Variants in WDR41 observed in about 807,000 individuals in gnomAD.
WDR41 encodes the protein WD repeat domain 41, also known as WD repeat-containing protein 41.
Under a neutral mutation model 69.3 loss-of-function variants are expected in WDR41, and 63 were observed. The observed-to-expected ratio is 0.91, with a 90% CI of 0.74 to 1.12. WDR41 has a LOEUF of 1.12. Among genes scored for constraint, WDR41 ranks in the 50% most tolerant of loss-of-function variants. The probability of loss-of-function intolerance (pLI) is 0.00; values close to 1 mark genes in which losing one functional copy is unlikely to be tolerated. For synonymous variants in WDR41, 185 were observed against 192.1 expected, an observed-to-expected ratio of 0.96 and a Z score of 0.31; for missense variants, 543 against 534.5, an observed-to-expected ratio of 1.02 and a Z score of -0.16.
chr5:77,527,909 G>A (rs539084972), intron 1 of WDR41, among the ~76,000 whole-genome samples: 40 of 151,648 alleles, frequency 2.6e-4, no homozygotes, highest in Non-Finnish European at 4.4e-4. Flanking sequence ...CTTGTAAGGC[G>A]TAGTTTAAAG....
chr5:77,549,460 T>C (rs1331950851), intron 1 of WDR41, among the ~76,000 whole-genome samples: 3 of 151,622 alleles, frequency 2.0e-5, no homozygotes, highest in Non-Finnish European at 4.4e-5. Flanking sequence ...TATACAACAA[T>C]AGCATTCAAG....
intron 1 of WDR41, among the ~76,000 whole-genome samples, chr5:77,511,833 A>G (rs1802207255): frequency 6.6e-6 from 1 of 150,602 alleles, no homozygotes; most frequent in Admixed American, 6.6e-5. Flanking sequence ...TTAGGTTACC[A>G]AGAAGCATTA....
At chr5:77,612,621 T>C (rs1403224923) in intron 1 of WDR41, among the ~76,000 whole-genome samples, 7 of 152,158 alleles carry the variant, frequency 4.6e-5, no homozygotes, top group Admixed American at 4.6e-4. Context: ...TCTCAATAAA[T>C]TAGGTATTGA....
At chr5:77,545,976 C>T in intron 1 of WDR41, 1 of 488,284 alleles carries the variant, frequency 2.0e-6, no homozygotes, top group Non-Finnish European at 3.6e-6. Flanking sequence ...GACCTCATCC[C>T]TGTGCCCAGG....
intron 1 of WDR41, among the ~76,000 whole-genome samples, chr5:77,556,566 C>T (rs1743405926): frequency 6.6e-6 from 1 of 152,154 alleles, no homozygotes; most frequent in Non-Finnish European, 1.5e-5. Flanking sequence ...CGCCACCACA[C>T]CCAGCTAATT....
Position 77,436,274 on chromosome 5 carries a change from G to GAGTGTCCAATCA in WDR41, c.1202_1213dup (p.Leu401_His404dup). On this transcript the variant is annotated inframe_insertion, in exon 12 of 13. Transcript: ENST00000296679. ...AAACAGCAATACCTCCACAGATGAT[G>GAGTGTCCAATCA]AGTGTCCAATCAAATCTCCAATAAG... 6.2e-7 allele frequency: 1 copy of GAGTGTCCAATCA among 1,613,830 alleles called. No homozygotes were observed. The highest frequency in any genetic ancestry group is 8.5e-7 in the Non-Finnish European group (1 of 1,179,830).
rs548235307 is a variant in WDR41 at position 77,478,700 on chromosome 5, C to G, written c.167+10757G>C. 1.2e-3 allele frequency among the ~76,000 whole-genome samples: 186 copies of G among 151,944 alleles called. 1 individual carries two copies. The highest frequency in any genetic ancestry group is 4.4e-3 in the African/African-American group (181 of 41,344). On this transcript the variant is annotated intron_variant, in intron 2 of 12. Coordinates refer to ENST00000296679, the MANE Select transcript of WDR41 (RefSeq NM_018268.4). ...TCAAAATAATAAGAGCTATCTATGACAAACCCACAGCCAATATCATACTGA... is the reference window on the plus strand; with the variant it reads ...TCAAAATAATAAGAGCTATCTATGAGAAACCCACAGCCAATATCATACTGA...
chr5:77,471,743 TG>T (rs1198083785), intron 2 of WDR41, among the ~76,000 whole-genome samples: 1 of 152,134 alleles, frequency 6.6e-6, no homozygotes, highest in East Asian at 1.9e-4. Flanking sequence ...GCTGAATCTC[TG>T]AATAGACCAA....
Position 77,463,128 on chromosome 5 carries a change from G to C in WDR41, c.315C>G (p.Leu105=), listed in dbSNP as rs148426867. 18 of 1,612,330 alleles carry C rather than the reference G, an allele frequency of 1.1e-5. No homozygotes were observed. Among genetic ancestry groups the C allele is most frequent in the Non-Finnish European group, 1.5e-5 (18 of 1,179,302 alleles). ...SLESCEEKNQ[L]ILTASADRTV... ...TTCTATCAGCAGAGGCTGTCAAGAT[G>C]AGTTGATTTTTCTCTTCACAAGATT... Residue 105 remains leucine (L), a synonymous_variant, in exon 4 of 13, where the codon CTC becomes CTG. Transcript: ENST00000296679.
intron 1 of WDR41, among the ~76,000 whole-genome samples, chr5:77,531,443 AATAAG>A (rs1802527633): frequency 1.3e-5 from 2 of 152,118 alleles, no homozygotes; most frequent in African/African-American, 4.8e-5. Flanking sequence ...TCAAAACCAC[AATAAG>A]ATATCACTTT....
At chr5:77,467,016 T>C (rs1035087297) in intron 2 of WDR41, among the ~76,000 whole-genome samples, 1 of 151,890 alleles carries the variant, frequency 6.6e-6, no homozygotes, top group South Asian at 2.1e-4. Context: ...TATCAGTTTA[T>C]CTTAAACTAA....
intron 8 of WDR41, among the ~76,000 whole-genome samples, chr5:77,441,233 C>G (rs1178006074): frequency 6.8e-6 from 1 of 147,968 alleles, no homozygotes; most frequent in Admixed American, 6.6e-5. Context: ...AAAGAAATAC[C>G]TCATGCTGGA....
intron 5 of WDR41, among the ~76,000 whole-genome samples, chr5:77,455,343 T>C (rs1001711798): frequency 6.6e-6 from 1 of 152,246 alleles, no homozygotes; most frequent in Non-Finnish European, 1.5e-5. Flanking sequence ...TGCTTTTTTA[T>C]TGAATTCTTC....
chr5:77,479,618 A>G (rs2112051707), intron 2 of WDR41, among the ~76,000 whole-genome samples: 1 of 152,342 alleles, frequency 6.6e-6, no homozygotes, highest in South Asian at 2.1e-4. Flanking sequence ...CTGGCTAGCC[A>G]TATGGAGAAA....
At chr5:77,445,087 T>C (rs1211939700) in intron 8 of WDR41, among the ~76,000 whole-genome samples, 1 of 152,008 alleles carries the variant, frequency 6.6e-6, no homozygotes, top group Non-Finnish European at 1.5e-5. Context: ...CAATAAAAGA[T>C]GATAAAGGGG....
At chr5:77,535,938 T>C (rs555960532) in intron 1 of WDR41, among the ~76,000 whole-genome samples, 2 of 152,326 alleles carry the variant, frequency 1.3e-5, no homozygotes, top group African/African-American at 4.8e-5. Flanking sequence ...TCTGCCCTTA[T>C]AAGAATGGAT....
At position 77,492,301 on chromosome 5, in the gene WDR41, C is replaced by A; in HGVS notation, c.-81G>T. On this transcript the variant is annotated 5_prime_UTR_variant, in exon 1 of 13. Transcript: ENST00000296679. ...CAGGCTCGGCCTCCTCCTTCCTCCCCGGCTGCAGCGCAACTGAGACGCTAA... is the reference window on the plus strand; with the variant it reads ...CAGGCTCGGCCTCCTCCTTCCTCCCAGGCTGCAGCGCAACTGAGACGCTAA... The A allele has an allele frequency of 3.8e-6, 6 of 1,572,982 alleles. No homozygotes were observed. Among genetic ancestry groups the A allele is most frequent in the Non-Finnish European group, 5.2e-6 (6 of 1,156,284 alleles).
At chr5:77,535,856 T>A (rs116245907) in intron 1 of WDR41, among the ~76,000 whole-genome samples, 1,618 of 152,326 alleles carry the variant, frequency 0.011, 11 homozygotes, top group Non-Finnish European at 0.017. Context: ...TTGCTAAGAT[T>A]TGCCTACCTA....
chr5:77,442,284 G>A (rs1799196519), intron 8 of WDR41, among the ~76,000 whole-genome samples: 2 of 152,032 alleles, frequency 1.3e-5, no homozygotes, highest in Non-Finnish European at 2.9e-5. Context: ...ACTACACATC[G>A]AATTGAGAAT....
Sources: gnomAD v4.1 joint callset for allele counts (sites outside exome capture counted in the v4.1 genomes callset) on GRCh38, gnomAD v4.1.1 for gene constraint, MANE v1.5 for transcripts, NCBI Gene and HGNC (gene_info 2026-07-23, HGNC 2026-07-21) for gene names.